PAK3: variants seen among roughly 807,000 people sequenced by gnomAD.
PAK3 encodes serine/threonine-protein kinase PAK 3.
Under a neutral mutation model 41.0 loss-of-function variants are expected in PAK3, and 4 were observed. The ratio of observed to expected loss-of-function variants is 0.10; its 90% CI spans 0.05 to 0.22. PAK3 has a LOEUF of 0.22. PAK3 is among the 10% of genes least tolerant of loss of function. The probability of loss-of-function intolerance (pLI) is 1.00; values close to 1 mark genes in which losing one functional copy is unlikely to be tolerated. For synonymous variants in PAK3, 146 were observed against 139.6 expected (o/e 1.05, Z -0.32); for missense variants, 205 against 409.9 (o/e 0.50, Z 4.32).
intron 1 of PAK3, among the ~76,000 whole-genome samples, chrX:111,061,261 C>T (rs1056728087): frequency 3.6e-5 from 4 of 111,580 alleles, no homozygotes; most frequent in Non-Finnish European, 3.8e-5. Context: ...ATTGAATAGT[C>T]GGGCTTTTCA....
intron 17 of PAK3, chrX:111,217,471 A>T (rs1350757935): frequency 1.1e-6 from 1 of 936,563 alleles, no homozygotes; most frequent in Admixed American, 3.0e-5. Flanking sequence ...TTGGTTATAC[A>T]GCGCATTAAC....
In PAK3 at chrX:111,149,184, A is replaced by G. The variant is rs1216271970; in HGVS notation, c.430+1294A>G. On this transcript the variant is annotated intron_variant, in intron 7 of 17. Coordinates refer to ENST00000372007, the MANE Select transcript of PAK3 (RefSeq NM_002578.5). The stretch of plus-strand genomic sequence containing the variant: ...TCCTTTGACTCCAGGTCTCACATCT[A>G]GGTCACGCTGATGTAAGAGGTGGGT... Among the ~76,000 whole-genome samples the G allele has an allele frequency of 4.5e-5, 5 of 111,886 alleles. No homozygotes were observed. In the Admixed American group the frequency reaches 4.7e-4, roughly 11 times the overall value.
chrX:110,966,154 T>C (rs1300332786), intron 1 of PAK3, among the ~76,000 whole-genome samples: 1 of 111,939 alleles, frequency 8.9e-6, no homozygotes, highest in African/African-American at 3.3e-5. Flanking sequence ...AATAAGAATA[T>C]GGGTTTCCAC....
At chrX:111,023,526 T>A (rs749643813) in intron 1 of PAK3, among the ~76,000 whole-genome samples, 2 of 112,419 alleles carry the variant, frequency 1.8e-5, no homozygotes, top group East Asian at 5.6e-4. Flanking sequence ...AAAGTGTTCC[T>A]ATTTCTCCAC....
chrX:111,086,884 A>G (rs1442501999), intron 1 of PAK3, among the ~76,000 whole-genome samples: 1 of 112,065 alleles, frequency 8.9e-6, no homozygotes, highest in East Asian at 2.8e-4. Context: ...TGAGCTGCCT[A>G]GACTCTCAAG....
intron 1 of PAK3, among the ~76,000 whole-genome samples, chrX:111,065,782 T>G: frequency 9.0e-6 from 1 of 111,542 alleles, no homozygotes; most frequent in South Asian, 3.8e-4. Context: ...CCTGACTCAA[T>G]CTTGGAAGAT....
intron 1 of PAK3, among the ~76,000 whole-genome samples, chrX:110,966,441 G>A (rs1156611452): frequency 9.0e-6 from 1 of 110,896 alleles, no homozygotes; most frequent in East Asian, 2.8e-4. Context: ...AAAAAGGAGG[G>A]AGGGAGGGTA....
At chrX:111,195,239 C>T (rs957849913) in intron 14 of PAK3, among the ~76,000 whole-genome samples, 3 of 109,650 alleles carry the variant, frequency 2.7e-5, no homozygotes, top group Admixed American at 9.7e-5. Flanking sequence ...TATCATTTTC[C>T]CCACCCCACA....
intron 10 of PAK3, among the ~76,000 whole-genome samples, chrX:111,165,825 T>G (rs2094247857): frequency 8.9e-6 from 1 of 111,821 alleles, no homozygotes; most frequent in South Asian, 3.7e-4. Flanking sequence ...AAGCATTATT[T>G]TCTTGGACCA....
Position 110,977,237 on chromosome X carries a change from A to G in PAK3, c.-28+32609A>G, listed in dbSNP as rs186251621. On this transcript the variant is annotated intron_variant, in intron 1 of 14. Transcript: ENST00000425146. ...TAAAATATATATAAGATATATATGT[A>G]TAAGATATATATATATTTTATGACA... Among the ~76,000 whole-genome samples, 455 of 110,170 alleles carry G rather than the reference A, an allele frequency of 4.1e-3. 4 individuals are homozygous for G. The highest frequency in any genetic ancestry group is 0.015 in the African/African-American group (442 of 30,474).
intron 1 of PAK3, among the ~76,000 whole-genome samples, chrX:111,014,532 G>A (rs1370633285): frequency 9.0e-6 from 1 of 111,472 alleles, no homozygotes; most frequent in Non-Finnish European, 1.9e-5. Context: ...CTGCTCATAA[G>A]TTTAAAATGC....
At chrX:111,152,345 G>A in intron 7 of PAK3, 65 bp from the exon 8 acceptor site, 1 of 731,121 alleles carries the variant, frequency 1.4e-6, no homozygotes. Context: ...TTATTTTTCT[G>A]GTGTGGTCTC....
intron 1 of PAK3, among the ~76,000 whole-genome samples, chrX:111,043,893 T>C (rs189302116): frequency 2.2e-4 from 25 of 111,814 alleles, no homozygotes; most frequent in Non-Finnish European, 1.9e-4. Flanking sequence ...ATATTAAAGT[T>C]GAAATTTTCT....
intron 10 of PAK3, 108 bp downstream of exon 10, chrX:111,163,835 G>A (rs1402903182): frequency 4.9e-5 from 31 of 632,565 alleles, no homozygotes; most frequent in Non-Finnish European, 7.6e-5. Context: ...ATGAACTCCA[G>A]ACTTCCCAAA....
Position 111,016,464 on chromosome X carries a change from AC to A in PAK3, c.-28+71837del, listed in dbSNP as rs1362531248. ...GAAATATGAGAAATTCAAAAGAGAAACTTTTTGTCAGCTTGCCTTCTTAAAA... is the reference window on the plus strand; with the variant it reads ...GAAATATGAGAAATTCAAAAGAGAAATTTTTGTCAGCTTGCCTTCTTAAAA... On this transcript the variant is annotated intron_variant, in intron 1 of 14. Transcript: ENST00000425146. Among the ~76,000 whole-genome samples the A allele has an allele frequency of 3.6e-5, 4 of 110,830 alleles. No homozygotes were observed. The East Asian group carries it at 8.5e-4, about 24-fold the overall frequency.
chrX:111,110,109 A>G (rs368942608), intron 4 of PAK3, among the ~76,000 whole-genome samples: 1 of 112,446 alleles, frequency 8.9e-6, no homozygotes, highest in Non-Finnish European at 1.9e-5. Context: ...TGCGTGGGCC[A>G]TGATAAGATT....
chrX:111,006,836 T>TCTTC (rs1569504954), intron 1 of PAK3, among the ~76,000 whole-genome samples: 20 of 13,636 alleles, frequency 1.5e-3, no homozygotes, highest in Non-Finnish European at 5.5e-3. Flanking sequence ...TTTCTTTCTT[T>TCTTC]CTTTCTTTCT....
chrX:111,050,780 A>T (rs1459196416), intron 1 of PAK3, among the ~76,000 whole-genome samples: 3 of 112,764 alleles, frequency 2.7e-5, no homozygotes, highest in Non-Finnish European at 5.6e-5. Context: ...CTGTTGGCAG[A>T]TTGGCACCAG....
At chrX:111,118,793 G>A (rs923989051) in intron 4 of PAK3, among the ~76,000 whole-genome samples, 1 of 111,775 alleles carries the variant, frequency 8.9e-6, no homozygotes, top group African/African-American at 3.3e-5. Context: ...AAATAGTTAT[G>A]TCTATTTTGA....
Sources: allele counts gnomAD v4.1 joint callset (sites outside exome capture counted in the v4.1 genomes callset), GRCh38; gene constraint gnomAD v4.1.1; transcripts MANE v1.5; gene names NCBI Gene and HGNC (gene_info 2026-07-23, HGNC 2026-07-21).